TMEM74: variants seen among roughly 807,000 people sequenced by gnomAD.
TMEM74 encodes the protein transmembrane protein 74.
A neutral mutation model predicts 18.1 loss-of-function variants in TMEM74; 13 were observed. The observed-to-expected ratio is 0.72, with a 90% CI of 0.47 to 1.14. The LOEUF (loss-of-function observed/expected upper bound fraction) is 1.14, where lower values mean the gene tolerates loss of function less well. TMEM74 is among the 50% of genes most tolerant of loss of function. The pLI is 0.00. For synonymous variants in TMEM74, 159 were observed against 146.6 expected (o/e 1.08, Z -0.61); for missense variants, 372 against 375.9 (o/e 0.99, Z 0.09).
intron 1 of TMEM74, among the ~76,000 whole-genome samples, chr8:108,672,704 T>C (rs1490175535): frequency 6.6e-6 from 1 of 152,224 alleles, no homozygotes; most frequent in African/African-American, 2.4e-5. Flanking sequence ...TACAAAGCCA[T>C]GGAATTTAAC....
intron 1 of TMEM74, among the ~76,000 whole-genome samples, chr8:108,738,497 C>T (rs1285322271): frequency 1.3e-5 from 2 of 152,094 alleles, no homozygotes; most frequent in Admixed American, 1.3e-4. Flanking sequence ...CTGAACTATC[C>T]CACAGATTCT....
intron 2 of TMEM74, among the ~76,000 whole-genome samples, chr8:108,644,164 A>G (rs979972604): frequency 2.3e-4 from 35 of 152,116 alleles, no homozygotes; most frequent in African/African-American, 5.1e-4. Flanking sequence ...ACATAAACCA[A>G]TGGAACAGAA....
chr8:108,685,729 T>C (rs12681909), intron 1 of TMEM74, among the ~76,000 whole-genome samples: 67,209 of 151,952 alleles, frequency 0.44, 15,251 homozygotes, highest in East Asian at 0.7. Flanking sequence ...ACTATTTGCA[T>C]ACAATAGAAT....
chr8:108,633,825 C>T (rs994659511), intron 2 of TMEM74, among the ~76,000 whole-genome samples: 1 of 151,924 alleles, frequency 6.6e-6, no homozygotes. Flanking sequence ...AGATTTGGGG[C>T]AACTAAACCT....
rs1277676219 is a variant in TMEM74 at position 108,665,226 on chromosome 8, G to A, written n.120-9789C>T. 2.0e-5 allele frequency among the ~76,000 whole-genome samples: 3 copies of A among 152,276 alleles called. No homozygotes were observed. In the East Asian group the frequency reaches 5.8e-4, roughly 29 times the overall value. On this transcript the variant is annotated intron_variant and non_coding_transcript_variant, in intron 1 of 3. Transcript: ENST00000518838. ...GAAACAGACTCATTTACAGGAGAGAGGAATAACTTCGACCTGAATTATTAT... is the reference window on the plus strand; with the variant it reads ...GAAACAGACTCATTTACAGGAGAGAAGAATAACTTCGACCTGAATTATTAT...
chr8:108,727,633 G>A (rs764403295), intron 1 of TMEM74, among the ~76,000 whole-genome samples: 17 of 152,164 alleles, frequency 1.1e-4, no homozygotes, highest in Admixed American at 5.2e-4. Context: ...TGCTGGGAAA[G>A]CAGTTTGATA....
intron 2 of TMEM74, among the ~76,000 whole-genome samples, chr8:108,609,269 T>A (rs1015852995): frequency 6.6e-6 from 1 of 152,250 alleles, no homozygotes; most frequent in Non-Finnish European, 1.5e-5. Context: ...TCATCTAAAA[T>A]AAGTTCTTTC....
At chr8:108,620,757 T>A (rs1250734702) in intron 2 of TMEM74, among the ~76,000 whole-genome samples, 2 of 152,158 alleles carry the variant, frequency 1.3e-5, no homozygotes, top group African/African-American at 4.8e-5. Context: ...GGAATCCTTG[T>A]CTGAGGGGAC....
In TMEM74 at chr8:108,783,600, G is replaced by A. The variant is rs1814336379; in HGVS notation, c.*581C>T. ...GACTTAATTACCATTTTTGAAAACA[G>A]GAATAATTTCAAACATAACATTTTT... On this transcript the variant is annotated 3_prime_UTR_variant, in exon 2 of 2. Transcript: ENST00000297459. 6.6e-6 allele frequency: 1 copy of A among 151,954 alleles called. No individual in the cohort carries two copies. Among genetic ancestry groups the A allele is most frequent in the African/African-American group, 2.4e-5 (1 of 41,376 alleles). The allele number at this position is 151,954 out of a possible 1,614,324, so 9.4% of individuals were successfully genotyped here. A position where few individuals can be genotyped will look rare whatever the true frequency, so the allele number is the denominator to read the frequency against.
chr8:108,694,771 G>A (rs1813264360), intron 1 of TMEM74, among the ~76,000 whole-genome samples: 1 of 152,220 alleles, frequency 6.6e-6, no homozygotes, highest in South Asian at 2.1e-4. Context: ...CACAACTATG[G>A]AAGAGGAGAA....
chr8:108,609,434 G>T (rs1041405102), intron 2 of TMEM74, among the ~76,000 whole-genome samples: 3 of 152,258 alleles, frequency 2.0e-5, no homozygotes, highest in East Asian at 1.9e-4. Context: ...GATCACTTGA[G>T]GTCAGGAATT....
intron 1 of TMEM74, among the ~76,000 whole-genome samples, chr8:108,752,148 G>A (rs141631679): frequency 1.3e-5 from 2 of 152,220 alleles, no homozygotes; most frequent in East Asian, 1.9e-4. Context: ...CAATATTAAA[G>A]ATGCAGTGGT....
At chr8:108,656,132 A>G (rs1322919211) in intron 1 of TMEM74, among the ~76,000 whole-genome samples, 1 of 152,112 alleles carries the variant, frequency 6.6e-6, no homozygotes, top group Non-Finnish European at 1.5e-5. Context: ...GAGGCAGACT[A>G]ATTTCAAGAT....
At chr8:108,761,648 A>G (rs975290506) in intron 1 of TMEM74, among the ~76,000 whole-genome samples, 8 of 151,880 alleles carry the variant, frequency 5.3e-5, no homozygotes, top group African/African-American at 1.9e-4. Flanking sequence ...AAAATATGTT[A>G]CCCTCTTCCT....
chr8:108,708,969 CTACAA>C (rs1239029163), intron 1 of TMEM74, among the ~76,000 whole-genome samples: 1 of 151,964 alleles, frequency 6.6e-6, no homozygotes, highest in East Asian at 1.9e-4. Context: ...CAAATCAAAA[CTACAA>C]TAAGATAGAT....
rs1483727471 is a variant in TMEM74, at chr8:108,787,457, C to T, written c.-40+19G>A. 1.3e-5 allele frequency: 2 copies of T among 152,520 alleles called. No individual in the cohort carries two copies. Among genetic ancestry groups the T allele is most frequent in the Admixed American group, 6.5e-5 (1 of 15,288 alleles). 9.4% of individuals were successfully genotyped at this position (152,520 alleles called of 1,614,324 possible). A position where few individuals can be genotyped will look rare whatever the true frequency, so the allele number is the denominator to read the frequency against. ...CTTGCATTCAAAGCCTCCACCCCAT[C>T]CCACTCCCCGCCACTCACCTTCTGC... On this transcript the variant is annotated intron_variant, in intron 1 of 1. Coordinates refer to ENST00000297459, the MANE Select transcript of TMEM74 (RefSeq NM_153015.3).
chr8:108,758,683 G>A (rs1007608410), intron 1 of TMEM74, among the ~76,000 whole-genome samples: 7 of 151,886 alleles, frequency 4.6e-5, no homozygotes, highest in Admixed American at 2.0e-4. Context: ...CACACCCTTG[G>A]ACCTATCAGA....
At chr8:108,686,501 C>T (rs1204527273) in intron 1 of TMEM74, among the ~76,000 whole-genome samples, 1 of 152,130 alleles carries the variant, frequency 6.6e-6, no homozygotes, top group Non-Finnish European at 1.5e-5. Context: ...CGCGCCGGCC[C>T]TGTTTTATAC....
At chr8:108,739,881 A>G (rs1813782392) in intron 1 of TMEM74, among the ~76,000 whole-genome samples, 1 of 152,030 alleles carries the variant, frequency 6.6e-6, no homozygotes, top group South Asian at 2.1e-4. Flanking sequence ...AAGGATTGAG[A>G]AAAAGACAAT....
Sources: allele counts gnomAD v4.1 joint callset (sites outside exome capture counted in the v4.1 genomes callset), GRCh38; gene constraint gnomAD v4.1.1; transcripts MANE v1.5; gene names NCBI Gene and HGNC (gene_info 2026-07-23, HGNC 2026-07-21).